CDK19: variants seen among roughly 807,000 people sequenced by gnomAD.
The protein encoded by CDK19 is cyclin dependent kinase 19, also known as cyclin-dependent kinase 19.
In CDK19, 20 loss-of-function variants were observed where a neutral mutation model predicts 68.3. That is an observed-to-expected ratio of 0.29 (90% CI 0.21 to 0.43). CDK19 has a LOEUF of 0.43. CDK19 is among the 20% of genes least tolerant of loss of function. The pLI is 1.00. For synonymous variants in CDK19, 221 were observed against 222.8 expected (o/e 0.99, Z 0.07); for missense variants, 339 against 623.5 (o/e 0.54, Z 4.86).
chr6:110,721,151 A>G (rs1775853704), intron 2 of CDK19, among the ~76,000 whole-genome samples: 1 of 152,090 alleles, frequency 6.6e-6, no homozygotes, highest in Admixed American at 6.6e-5. Context: ...GAGGCAGGAG[A>G]ATCGCTTGAA....
chr6:110,733,322 C>T (rs142453013), intron 2 of CDK19, among the ~76,000 whole-genome samples: 273 of 152,234 alleles, frequency 1.8e-3, no homozygotes, highest in Non-Finnish European at 2.7e-3. Flanking sequence ...TCTATGGATA[C>T]ACCATAAATT....
At chr6:110,698,799 C>T (rs1773721334) in intron 2 of CDK19, among the ~76,000 whole-genome samples, 1 of 152,102 alleles carries the variant, frequency 6.6e-6, no homozygotes, top group African/African-American at 2.4e-5. Flanking sequence ...TGGTAGATAG[C>T]CAGGTGCAGT....
intron 1 of CDK19, among the ~76,000 whole-genome samples, chr6:110,764,053 A>AAT (rs1779409673): frequency 1.3e-5 from 2 of 152,282 alleles, no homozygotes; most frequent in African/African-American, 4.8e-5. Context: ...AAAAGTATAA[A>AAT]ATATATATAA....
In CDK19 at chr6:110,645,662, G is replaced by A. The variant is rs568287734; in HGVS notation, c.457-6956C>T. On this transcript the variant is annotated intron_variant, in intron 4 of 12. Coordinates refer to ENST00000368911, the MANE Select transcript of CDK19 (RefSeq NM_015076.5). ...ACGAGCCGGAGCCCAGAAATCCAGG[G>A]GTGGATAAGACACTTTGTCCCCTCC... is the stretch of plus-strand genomic sequence containing the variant. The A allele has an allele frequency of 8.4e-4, 278 of 329,444 alleles. No individual in the cohort carries two copies. In the Middle Eastern group the frequency reaches 8.8e-3, roughly 10 times the overall value. The allele number at this position is 329,444 out of a possible 1,614,324, so 20.4% of individuals were successfully genotyped here.
chr6:110,701,593 T>C (rs73526579), intron 2 of CDK19, among the ~76,000 whole-genome samples: 2,945 of 150,588 alleles, frequency 0.02, 101 homozygotes, highest in African/African-American at 0.068. Context: ...CAGAGTCCAA[T>C]GCGCAGAGAA....
At chr6:110,653,228 C>T (rs1781086244) in intron 4 of CDK19, among the ~76,000 whole-genome samples, 1 of 152,040 alleles carries the variant, frequency 6.6e-6, no homozygotes, top group Non-Finnish European at 1.5e-5. Context: ...CAAGGGTATA[C>T]AAGGCTATGG....
chr6:110,720,649 C>T (rs1775795009), intron 2 of CDK19, among the ~76,000 whole-genome samples: 2 of 151,992 alleles, frequency 1.3e-5, no homozygotes, highest in Non-Finnish European at 2.9e-5. Context: ...GGCAGATTAC[C>T]TGAGGTCAGG....
At chr6:110,808,705 T>C (rs1782852562) in intron 1 of CDK19, among the ~76,000 whole-genome samples, 1 of 152,186 alleles carries the variant, frequency 6.6e-6, no homozygotes, top group Non-Finnish European at 1.5e-5. Context: ...GTGTTAAAGA[T>C]ACTTAATTTT....
At chr6:110,780,127 A>T (rs1159651903) in intron 1 of CDK19, among the ~76,000 whole-genome samples, 3 of 151,980 alleles carry the variant, frequency 2.0e-5, no homozygotes, top group African/African-American at 7.2e-5. Context: ...CTGAGACTGG[A>T]GAATCACTTG....
At chr6:110,766,800 G>A (rs947177539) in intron 1 of CDK19, among the ~76,000 whole-genome samples, 1 of 151,986 alleles carries the variant, frequency 6.6e-6, no homozygotes, top group Non-Finnish European at 1.5e-5. Flanking sequence ...AGGAGTTCCA[G>A]ACCAGCCTGG....
At chr6:110,697,918 G>T (rs1477023602) in intron 2 of CDK19, among the ~76,000 whole-genome samples, 1 of 152,100 alleles carries the variant, frequency 6.6e-6, no homozygotes, top group East Asian at 1.9e-4. Flanking sequence ...GTGGGGAAAG[G>T]ACACCCTATT....
Position 110,750,082 on chromosome 6 carries a change from C to T in CDK19, c.129-3881G>A, listed in dbSNP as rs9481102. ...ACTGCGCCCAGCCAAATGATCACAC[C>T]ATTAACCAAAGAAATGATGACATGA... On this transcript the variant is annotated intron_variant, in intron 1 of 12. Coordinates refer to ENST00000368911, the MANE Select transcript of CDK19 (RefSeq NM_015076.5). 6.2e-3 allele frequency among the ~76,000 whole-genome samples: 897 copies of T among 145,618 alleles called. 115 individuals are homozygous for T. Among genetic ancestry groups the T allele is most frequent in the African/African-American group, 0.022 (860 of 39,946 alleles).
At chr6:110,804,828 C>A (rs1021669198) in intron 1 of CDK19, among the ~76,000 whole-genome samples, 1 of 151,516 alleles carries the variant, frequency 6.6e-6, no homozygotes, top group Non-Finnish European at 1.5e-5. Flanking sequence ...TGGTGGCGAG[C>A]GTCTGTAGTC....
chr6:110,640,255 A>C (rs1780057606), intron 4 of CDK19, among the ~76,000 whole-genome samples: 1 of 139,800 alleles, frequency 7.2e-6, no homozygotes, highest in Non-Finnish European at 1.5e-5. Flanking sequence ...AAAAAAAAAA[A>C]ATCTGAAAAG....
intron 2 of CDK19, among the ~76,000 whole-genome samples, chr6:110,713,657 G>A (rs1775143826): frequency 6.6e-6 from 1 of 151,858 alleles, no homozygotes; most frequent in Non-Finnish European, 1.5e-5. Context: ...ATTTTTCTAA[G>A]CACAAAACAA....
Position 110,686,798 on chromosome 6 carries a change from G to A in CDK19, c.205-16257C>T, listed in dbSNP as rs549784807. ...TTTGATTAATTAAGCATAATAAAGT[G>A]TAATTTTATCCTATGTGGCCATAGT... On this transcript the variant is annotated intron_variant, in intron 2 of 12. Transcript: ENST00000368911. Among the ~76,000 whole-genome samples the A allele has an allele frequency of 1.1e-4, 16 of 152,370 alleles. No individual in the cohort carries two copies. The South Asian group carries it at 3.1e-3, about 30-fold the overall frequency.
intron 2 of CDK19, among the ~76,000 whole-genome samples, chr6:110,721,339 T>C (rs1775873296): frequency 6.6e-6 from 1 of 152,110 alleles, no homozygotes; most frequent in African/African-American, 2.4e-5. Flanking sequence ...TAATATCATA[T>C]GTTAGAGGCC....
chr6:110,617,221 T>C (rs536357994), intron 12 of CDK19, among the ~76,000 whole-genome samples: 1 of 152,192 alleles, frequency 6.6e-6, no homozygotes, highest in South Asian at 2.1e-4. Context: ...AAAATATTAC[T>C]CTAACTTCCC....
chr6:110,647,328 A>C (rs1780667125), intron 4 of CDK19, among the ~76,000 whole-genome samples: 1 of 144,452 alleles, frequency 6.9e-6, no homozygotes, highest in African/African-American at 2.5e-5. Flanking sequence ...AAGTAGAACC[A>C]GCGAAACCCA....
Sources: allele counts gnomAD v4.1 joint callset (sites outside exome capture counted in the v4.1 genomes callset), GRCh38; gene constraint gnomAD v4.1.1; transcripts MANE v1.5; gene names NCBI Gene and HGNC (gene_info 2026-07-23, HGNC 2026-07-21).